Variants in PROM1 observed in about 807,000 individuals in gnomAD.
The protein encoded by PROM1 is prominin-1.
PROM1 carries 105 observed loss-of-function variants against 116.9 expected under a neutral mutation model. The ratio of observed to expected loss-of-function variants is 0.90; its 90% CI spans 0.77 to 1.06. The LOEUF (loss-of-function observed/expected upper bound fraction) is 1.06. PROM1 is among the 50% of genes least tolerant of loss of function. The pLI, the probability that PROM1 is intolerant of heterozygous loss-of-function variation, is 0.00. For synonymous variants in PROM1, 393 were observed against 387.0 expected, an observed-to-expected ratio of 1.02 and a Z score of -0.18; for missense variants, 1,122 against 1,045.2, an observed-to-expected ratio of 1.07 and a Z score of -1.01.
intron 2 of PROM1, 66 bp downstream of exon 2, chr4:16,075,621 A>G: frequency 7.0e-7 from 1 of 1,434,328 alleles, no homozygotes; most frequent in Non-Finnish European, 9.5e-7. Context: ...TTGCATTGAC[A>G]TTAAAAAACA....
At chr4:16,081,360 A>T (rs1424999993) in intron 1 of PROM1, among the ~76,000 whole-genome samples, 2 of 152,160 alleles carry the variant, frequency 1.3e-5, no homozygotes, top group African/African-American at 2.4e-5. Context: ...CTTACACCTT[A>T]TACAAAAATT....
At chr4:15,984,022 G>T (rs1372358829) in intron 23 of PROM1, among the ~76,000 whole-genome samples, 1 of 152,160 alleles carries the variant, frequency 6.6e-6, no homozygotes, top group Non-Finnish European at 1.5e-5. Flanking sequence ...TGAACTAACA[G>T]GAGTTTTCTC....
At chr4:16,059,022 C>A (rs1449957291) in intron 2 of PROM1, among the ~76,000 whole-genome samples, 2 of 152,176 alleles carry the variant, frequency 1.3e-5, no homozygotes, top group Admixed American at 6.5e-5. Context: ...TGGACAGAAC[C>A]TTTATATCAA....
intron 8 of PROM1, among the ~76,000 whole-genome samples, chr4:16,021,550 T>C (rs917932907): frequency 6.6e-6 from 1 of 152,206 alleles, no homozygotes; most frequent in Non-Finnish European, 1.5e-5. Context: ...ATAAAATACT[T>C]TGAAGCTTTT....
At chr4:16,050,113 T>G (rs1451957960) in intron 2 of PROM1, among the ~76,000 whole-genome samples, 1 of 151,144 alleles carries the variant, frequency 6.6e-6, no homozygotes, top group East Asian at 1.9e-4. Context: ...ATACAAAAAT[T>G]AGCCGGGCGC....
In PROM1 at chr4:16,075,719, A is replaced by T; in HGVS notation, c.188T>A (p.Leu63His). ...GAAATCACGCGGCTGTACCACATAG[A>T]GAAAGATATGCACTAGTTCAAAGAG... ...GILFELVHIF[L>H]YVVQPRDFPE... is the part of the protein sequence containing the mutation. Residue 63 changes from leucine to histidine, a missense_variant, in exon 2 of 28, where the codon CTC becomes CAC. Physicochemically the swap from Leu to His is moderately conservative, Grantham distance 99. Coordinates refer to ENST00000447510, the MANE Select transcript of PROM1 (RefSeq NM_006017.3). The T allele has an allele frequency of 6.2e-7, 1 of 1,613,654 alleles. No homozygotes were observed. The highest frequency in any genetic ancestry group is 8.5e-7 in the Non-Finnish European group (1 of 1,179,764).
chr4:15,971,634 C>T (rs889225063), intron 26 of PROM1: 4 of 152,352 alleles, frequency 2.6e-5, no homozygotes, highest in African/African-American at 4.8e-5. Flanking sequence ...AAGGTATACG[C>T]CAGGGGGAGA....
chr4:15,993,487 G>T (rs1721556124), intron 16 of PROM1, among the ~76,000 whole-genome samples: 1 of 152,198 alleles, frequency 6.6e-6, no homozygotes, highest in Non-Finnish European at 1.5e-5. Flanking sequence ...AAAAGAGGAG[G>T]TTCTGTCGGC....
intron 2 of PROM1, among the ~76,000 whole-genome samples, chr4:16,051,625 T>C (rs1737917088): frequency 6.6e-6 from 1 of 152,164 alleles, no homozygotes; most frequent in African/African-American, 2.4e-5. Context: ...CATCAGGATG[T>C]GCTTTGTGAG....
Position 16,076,061 on chromosome 4 carries a change from G to T in PROM1, c.-155C>A. The T allele has an allele frequency of 7.1e-7, 1 of 1,402,962 alleles. No individual in the cohort carries two copies. The highest frequency in any genetic ancestry group is 9.3e-7 in the Non-Finnish European group (1 of 1,069,750). 86.9% of individuals were successfully genotyped at this position (1,402,962 alleles called of 1,614,324 possible). On this transcript the variant is annotated 5_prime_UTR_variant, in exon 2 of 28. Coordinates refer to ENST00000447510, the MANE Select transcript of PROM1 (RefSeq NM_006017.3). ...TCAGTTTTCTGTCTGAGGCTGGCTT[G>T]AGGCGAGGGATGCGGAAGAATGTTC...
rs371957029 is a variant in PROM1 at position 16,075,730 on chromosome 4, C to G, written c.177G>C (p.Val59=). 5 of 1,613,584 alleles carry G rather than the reference C, an allele frequency of 3.1e-6. No individual in the cohort carries two copies. In the African/African-American group the frequency reaches 6.7e-5, roughly 22 times the overall value. ...AGPIGILFEL[V]HIFLYVVQPR... ...GCTGTACCACATAGAGAAAGATATG[C>G]ACTAGTTCAAAGAGAATGCCAATGG... Residue 59 remains valine (V), a synonymous_variant, in exon 2 of 28, where the codon GTG becomes GTC. Transcript: ENST00000447510.
chr4:16,015,527 T>C (rs1276147433), intron 10 of PROM1, among the ~76,000 whole-genome samples: 1 of 150,912 alleles, frequency 6.6e-6, no homozygotes, highest in Non-Finnish European at 1.5e-5. Context: ...TCATCTCCAC[T>C]AAAAATACAA....
chr4:16,029,202 C>T (rs887720422), intron 5 of PROM1, among the ~76,000 whole-genome samples: 6 of 152,196 alleles, frequency 3.9e-5, no homozygotes, highest in African/African-American at 1.4e-4. Flanking sequence ...TTGTAGCCTC[C>T]CATTCAGGAA....
chr4:15,993,465 C>T (rs1254236292), intron 16 of PROM1, among the ~76,000 whole-genome samples: 1 of 152,178 alleles, frequency 6.6e-6, no homozygotes, highest in Non-Finnish European at 1.5e-5. Flanking sequence ...GGGGTGTGGG[C>T]TCTGGCAAAA....
intron 17 of PROM1, among the ~76,000 whole-genome samples, chr4:15,991,786 G>A (rs1027898844): frequency 3.3e-5 from 5 of 151,578 alleles, no homozygotes; most frequent in African/African-American, 4.8e-5. Context: ...TACAAAAAAA[G>A]TTAGCTGGGC....
At chr4:16,066,935 A>G (rs1456028085) in intron 2 of PROM1, among the ~76,000 whole-genome samples, 1 of 152,222 alleles carries the variant, frequency 6.6e-6, no homozygotes, top group Non-Finnish European at 1.5e-5. Flanking sequence ...AGGGCAAGAT[A>G]GGACCCTATT....
Position 15,994,527 on chromosome 4 carries a change from G to A in PROM1, c.1683-456C>T, listed in dbSNP as rs114119460. On this transcript the variant is annotated intron_variant, in intron 15 of 27. Transcript: ENST00000447510. Reference sequence around the variant, plus strand: ...GCCGAGCGGCACTGACTAAATATACGCTTAGACGTATATCCTCATGGTGAG... The same window carrying A: ...GCCGAGCGGCACTGACTAAATATACACTTAGACGTATATCCTCATGGTGAG... Among the ~76,000 whole-genome samples, 1,127 of 152,120 alleles carry A rather than the reference G, an allele frequency of 7.4e-3. 20 individuals carry two copies. The highest frequency in any genetic ancestry group is 0.025 in the African/African-American group (1,054 of 41,486).
At chr4:16,027,624 C>T (rs1411862551) in intron 5 of PROM1, among the ~76,000 whole-genome samples, 1 of 152,192 alleles carries the variant, frequency 6.6e-6, no homozygotes, top group Non-Finnish European at 1.5e-5. Context: ...CAGAGGCTCC[C>T]TTTAATTCTG....
intron 2 of PROM1, among the ~76,000 whole-genome samples, chr4:16,058,007 T>G (rs1439271641): frequency 1.3e-5 from 2 of 152,224 alleles, no homozygotes; most frequent in African/African-American, 4.8e-5. Context: ...AGCAGCCACC[T>G]GAAACTGTCC....
Sources: gnomAD v4.1 joint callset for allele counts (sites outside exome capture counted in the v4.1 genomes callset) on GRCh38, gnomAD v4.1.1 for gene constraint, MANE v1.5 for transcripts, NCBI Gene and HGNC (gene_info 2026-07-23, HGNC 2026-07-21) for gene names.